The following DISC1 variants were observed in gnomAD, a reference collection of about 807,000 sequenced individuals.
DISC1 encodes DISC1 scaffold protein, also known as disrupted in schizophrenia 1 protein.
Under a neutral mutation model 84.5 loss-of-function variants are expected in DISC1, and 57 were observed. The ratio of observed to expected loss-of-function variants is 0.67; its 90% CI spans 0.55 to 0.84. DISC1 has a LOEUF of 0.84. Among genes scored for constraint, DISC1 ranks in the 40% least tolerant of loss-of-function variants. DISC1 has a pLI of 0.00. For missense variants in DISC1, 1,000 were observed against 1,057.8 expected, an observed-to-expected ratio of 0.95 and a Z score of 0.76; for synonymous variants, 411 against 415.2, an observed-to-expected ratio of 0.99 and a Z score of 0.12.
chr1:232,031,660 T>C lies in DISC1; in HGVS notation c.2426-5032T>C, dbSNP rs2103059854. On this transcript the variant is annotated intron_variant, in intron 12 of 12. Transcript: ENST00000439617. This position sits in a 1 kb window ranked among gnomAD's most constrained non-coding sequence, Gnocchi z 4.6. The stretch of plus-strand genomic sequence containing the variant: ...GCTTTGGAGTGGGACGGGGAAGAGT[T>C]GGAGCCCCACAGTGGGTGGGGGAGG... Among the ~76,000 whole-genome samples, 1 of 152,150 alleles carries C rather than the reference T, an allele frequency of 6.6e-6. No homozygotes were observed. Among genetic ancestry groups the C allele is most frequent in the Non-Finnish European group, 1.5e-5 (1 of 67,984 alleles).
At chr1:231,669,047 G>A (rs1230453950) in intron 1 of DISC1, among the ~76,000 whole-genome samples, 1 of 152,166 alleles carries the variant, frequency 6.6e-6, no homozygotes, top group Non-Finnish European at 1.5e-5. Flanking sequence ...TTTTGAGGAA[G>A]CTCCCTGTTC....
intron 9 of DISC1, among the ~76,000 whole-genome samples, chr1:231,890,697 C>T (rs1034056185): frequency 6.6e-6 from 1 of 152,140 alleles, no homozygotes; most frequent in Admixed American, 6.6e-5. Context: ...TTCCAATAAA[C>T]TGTACACTTA....
intron 1 of DISC1, among the ~76,000 whole-genome samples, chr1:231,688,434 T>C (rs1407927861): frequency 6.6e-6 from 1 of 152,222 alleles, no homozygotes; most frequent in African/African-American, 2.4e-5. Flanking sequence ...GCATTCATTT[T>C]CTCAAAGGGC....
chr1:231,653,925 T>TA (rs1471862234), intron 1 of DISC1, among the ~76,000 whole-genome samples: 1 of 152,108 alleles, frequency 6.6e-6, no homozygotes, highest in African/African-American at 2.4e-5. Context: ...TAGAACAGAG[T>TA]AAAGAGCGGG....
At chr1:231,807,762 T>C (rs992743515) in intron 8 of DISC1, among the ~76,000 whole-genome samples, 6 of 152,076 alleles carry the variant, frequency 3.9e-5, no homozygotes, top group Admixed American at 1.3e-4. Context: ...CTCACTCACC[T>C]TTTTTAATCA....
At chr1:231,918,826 T>C (rs2089814057) in intron 9 of DISC1, among the ~76,000 whole-genome samples, 1 of 152,186 alleles carries the variant, frequency 6.6e-6, no homozygotes, top group Non-Finnish European at 1.5e-5. Context: ...CAAAGTTTCA[T>C]ACCTGGAAGG....
At chr1:231,662,880 G>A (rs1464184655) in intron 1 of DISC1, among the ~76,000 whole-genome samples, 1 of 152,144 alleles carries the variant, frequency 6.6e-6, no homozygotes. Context: ...AAGAAAACTG[G>A]TCATGGAGAA....
intron 1 of DISC1, among the ~76,000 whole-genome samples, chr1:231,628,370 G>A (rs1283773371): frequency 6.6e-6 from 1 of 152,174 alleles, no homozygotes; most frequent in Non-Finnish European, 1.5e-5. Flanking sequence ...GATTAAATGA[G>A]GCAAAAGATC....
chr1:231,834,419 TA>T (rs964638439), intron 9 of DISC1, among the ~76,000 whole-genome samples: 2 of 152,034 alleles, frequency 1.3e-5, no homozygotes, highest in African/African-American at 4.8e-5. Context: ...GAACAGAGAC[TA>T]GGGAGGGACC....
At chr1:231,999,300 G>A (rs1666359895) in intron 10 of DISC1, among the ~76,000 whole-genome samples, 1 of 152,144 alleles carries the variant, frequency 6.6e-6, no homozygotes, top group Non-Finnish European at 1.5e-5. Context: ...TCTGCCTTGG[G>A]ACTGCAGGAC....
intron 3 of DISC1, among the ~76,000 whole-genome samples, chr1:231,734,049 A>G (rs2072119205): frequency 1.3e-5 from 2 of 151,840 alleles, no homozygotes; most frequent in Non-Finnish European, 2.9e-5. Flanking sequence ...AATGTTTGTG[A>G]GCACTTTCCA....
At chr1:231,683,229 G>T (rs1248279557) in intron 1 of DISC1, among the ~76,000 whole-genome samples, 2 of 152,086 alleles carry the variant, frequency 1.3e-5, no homozygotes, top group Non-Finnish European at 2.9e-5. Context: ...AGTTTATGAT[G>T]CATTTGAATC....
At position 232,039,246 on chromosome 1, in the gene DISC1, C is replaced by T. The variant is rs1304312200; in HGVS notation, c.*2415C>T. On this transcript the variant is annotated 3_prime_UTR_variant, in exon 13 of 13. Coordinates refer to ENST00000439617, the MANE Select transcript of DISC1 (RefSeq NM_018662.3). ...TCAGGATTGGCCACATTGCCAATAA[C>T]AAATTCCTACTTCGACATATGTCTT... 6.6e-6 allele frequency: 1 copy of T among 152,162 alleles called. No individual in the cohort carries two copies. Among genetic ancestry groups the T allele is most frequent in the African/African-American group, 2.4e-5 (1 of 41,436 alleles). 9.4% of individuals were successfully genotyped at this position (152,162 alleles called of 1,614,324 possible).
intron 6 of DISC1, among the ~76,000 whole-genome samples, chr1:231,777,484 T>C (rs1266253862): frequency 3.3e-5 from 5 of 152,156 alleles, no homozygotes; most frequent in African/African-American, 1.2e-4. Context: ...GCCTCCTGGG[T>C]CACTGGGATT....
rs537959782 is a variant in DISC1 at position 231,712,831 on chromosome 1, C to T, written c.1117+10807C>T. ...GCTAACAAACTGCAAAAACCTGGGG[C>T]AAAAGATTACTGGTTGAGGTGTACA... is the stretch of plus-strand genomic sequence containing the variant. On this transcript the variant is annotated intron_variant, in intron 3 of 12. Transcript: ENST00000439617. 2.0e-5 allele frequency among the ~76,000 whole-genome samples: 3 copies of T among 152,264 alleles called. No individual in the cohort carries two copies. In the South Asian group the frequency reaches 6.2e-4, roughly 32 times the overall value.
chr1:231,690,208 T>C (rs1279410645), intron 1 of DISC1, among the ~76,000 whole-genome samples: 2 of 152,154 alleles, frequency 1.3e-5, no homozygotes, highest in Admixed American at 6.5e-5. Flanking sequence ...ATGGGGGTCA[T>C]ATATTACCAG....
chr1:231,718,775 T>TAC (rs1347502097), intron 3 of DISC1, among the ~76,000 whole-genome samples: 1 of 152,204 alleles, frequency 6.6e-6, no homozygotes, highest in Non-Finnish European at 1.5e-5. Context: ...CCCGAAGGCA[T>TAC]ACTGCCTTGT....
At chr1:231,806,259 C>T (rs1177994400) in intron 8 of DISC1, among the ~76,000 whole-genome samples, 1 of 152,168 alleles carries the variant, frequency 6.6e-6, no homozygotes, top group African/African-American at 2.4e-5. Flanking sequence ...TCAGGTGTCA[C>T]TCAGTGCTAC....
chr1:231,637,929 T>C (rs1094656), intron 1 of DISC1, among the ~76,000 whole-genome samples: 53,636 of 152,094 alleles, frequency 0.35, 10,307 homozygotes, highest in East Asian at 0.81. Flanking sequence ...CTTTTTTCCA[T>C]AGAGATTTTA....
Sources: gnomAD v4.1 joint callset for allele counts (sites outside exome capture counted in the v4.1 genomes callset) on GRCh38, gnomAD v4.1.1 for gene constraint, Gnocchi (gnomAD v3.1) non-coding constraint, MANE v1.5 for transcripts, NCBI Gene and HGNC (gene_info 2026-07-23, HGNC 2026-07-21) for gene names.